Variants in CCDC148 observed in about 807,000 individuals in gnomAD.
CCDC148 encodes coiled-coil domain-containing protein 148.
Under a neutral mutation model 85.7 loss-of-function variants are expected in CCDC148, and 89 were observed. The ratio of observed to expected loss-of-function variants is 1.04; its 90% CI spans 0.87 to 1.24. CCDC148 has a LOEUF of 1.24. Among genes scored for constraint, CCDC148 ranks in the 50% most tolerant of loss-of-function variants. The probability of loss-of-function intolerance (pLI) is 0.00; values close to 1 mark genes in which losing one functional copy is unlikely to be tolerated. For missense variants in CCDC148, 692 were observed against 671.7 expected (o/e 1.03, Z -0.33); for synonymous variants, 230 against 213.9 (o/e 1.08, Z -0.66).
At chr2:158,453,154 C>T (rs1337465434) in intron 1 of CCDC148, among the ~76,000 whole-genome samples, 1 of 152,164 alleles carries the variant, frequency 6.6e-6, no homozygotes, top group Non-Finnish European at 1.5e-5. Flanking sequence ...CAGTTTAAGG[C>T]AGTGAGGGAC....
At chr2:158,328,603 T>C (rs1692919846) in intron 7 of CCDC148, among the ~76,000 whole-genome samples, 2 of 152,148 alleles carry the variant, frequency 1.3e-5, no homozygotes, top group Non-Finnish European at 2.9e-5. Context: ...ACTTCCACAA[T>C]GGTTGAACTA....
intron 7 of CCDC148, among the ~76,000 whole-genome samples, chr2:158,326,008 T>C (rs1008810857): frequency 6.6e-6 from 1 of 152,172 alleles, no homozygotes; most frequent in African/African-American, 2.4e-5. Flanking sequence ...TTTGTCACTC[T>C]GCTCACTTCT....
In CCDC148 at chr2:158,456,665, A is replaced by C. The variant is rs957250127; in HGVS notation, c.-226T>G. The C allele has an allele frequency of 6.9e-6, 4 of 579,806 alleles. No individual in the cohort carries two copies. Among genetic ancestry groups the C allele is most frequent in the African/African-American group, 1.9e-5 (1 of 53,132 alleles). The allele number at this position is 579,806 out of a possible 1,614,324, so 35.9% of individuals were successfully genotyped here. A position where few individuals can be genotyped will look rare whatever the true frequency, so the allele number is the denominator to read the frequency against. On this transcript the variant is annotated 5_prime_UTR_variant, in exon 1 of 14. Coordinates refer to ENST00000283233, the MANE Select transcript of CCDC148 (RefSeq NM_138803.4). ...GGGGAATCTCCCTGTCCTCTCCGCC[A>C]CCCCCTCCCGCGCCCGAGACCTGAG...
intron 10 of CCDC148, among the ~76,000 whole-genome samples, chr2:158,222,338 G>A (rs1687229219): frequency 6.6e-6 from 1 of 152,126 alleles, no homozygotes; most frequent in Non-Finnish European, 1.5e-5. Flanking sequence ...ACACTGTCCT[G>A]TGCAGGCCCC....
intron 7 of CCDC148, among the ~76,000 whole-genome samples, chr2:158,327,489 C>T (rs1692840356): frequency 6.6e-6 from 1 of 152,188 alleles, no homozygotes; most frequent in African/African-American, 2.4e-5. Flanking sequence ...GAATGCCTCA[C>T]TCCTTGCTTC....
chr2:158,219,870 C>G (rs1687082566), intron 11 of CCDC148, among the ~76,000 whole-genome samples: 1 of 151,996 alleles, frequency 6.6e-6, no homozygotes, highest in African/African-American at 2.4e-5. Flanking sequence ...CCAAGGGAAC[C>G]CTCCTTCAGC....
At chr2:158,398,096 A>G (rs1412472583) in intron 1 of CCDC148, among the ~76,000 whole-genome samples, 1 of 152,128 alleles carries the variant, frequency 6.6e-6, no homozygotes, top group Admixed American at 6.6e-5. Flanking sequence ...ATATATATAC[A>G]CCCAATACAG....
chr2:158,233,835 G>A (rs1687970327), intron 10 of CCDC148, among the ~76,000 whole-genome samples: 1 of 152,056 alleles, frequency 6.6e-6, no homozygotes, highest in African/African-American at 2.4e-5. Context: ...TGATGGTATA[G>A]AGATCTCCGT....
At chr2:158,334,802 TAA>T (rs1559078676) in intron 7 of CCDC148, among the ~76,000 whole-genome samples, 1 of 151,998 alleles carries the variant, frequency 6.6e-6, no homozygotes, top group African/African-American at 2.4e-5. Context: ...ATTTTGATTT[TAA>T]AAAATATATA....
chr2:158,211,446 A>G (rs1236428123), intron 11 of CCDC148, among the ~76,000 whole-genome samples: 1 of 152,240 alleles, frequency 6.6e-6, no homozygotes, highest in Non-Finnish European at 1.5e-5. Flanking sequence ...ATTAAAAAAC[A>G]TATTCTAAAG....
At chr2:158,275,563 A>G (rs968922627) in intron 9 of CCDC148, among the ~76,000 whole-genome samples, 1 of 152,154 alleles carries the variant, frequency 6.6e-6, no homozygotes, top group Non-Finnish European at 1.5e-5. Context: ...AAGAGGCCTA[A>G]CGGTTCTGTG....
At chr2:158,269,670 C>T (rs944895195) in intron 9 of CCDC148, among the ~76,000 whole-genome samples, 1 of 152,132 alleles carries the variant, frequency 6.6e-6, no homozygotes, top group Admixed American at 6.6e-5. Flanking sequence ...CACAGGATAC[C>T]TAATTGGAAT....
chr2:158,180,447 C>T (rs572995531), intron 11 of CCDC148, among the ~76,000 whole-genome samples: 9 of 152,050 alleles, frequency 5.9e-5, no homozygotes, highest in Non-Finnish European at 1.2e-4. Context: ...CCAATCACTG[C>T]ACTGTGGGAG....
At chr2:158,355,154 T>C (rs1274849191) in intron 2 of CCDC148, among the ~76,000 whole-genome samples, 1 of 151,618 alleles carries the variant, frequency 6.6e-6, no homozygotes, top group Non-Finnish European at 1.5e-5. Flanking sequence ...AAGCATTCCC[T>C]TTGAAAACTG....
chr2:158,412,035 T>C (rs1020354796), intron 1 of CCDC148, among the ~76,000 whole-genome samples: 2 of 152,060 alleles, frequency 1.3e-5, no homozygotes, highest in Non-Finnish European at 2.9e-5. Context: ...GTGTGGGCTG[T>C]GTGCAGCTCT....
chr2:158,218,460 C>T (rs964003479), intron 11 of CCDC148, among the ~76,000 whole-genome samples: 1 of 151,992 alleles, frequency 6.6e-6, no homozygotes, highest in Admixed American at 6.5e-5. Flanking sequence ...TCCTTTTCTT[C>T]TTTTCAAACT....
At chr2:158,356,962 T>A (rs1683679547) in intron 2 of CCDC148, among the ~76,000 whole-genome samples, 1 of 149,102 alleles carries the variant, frequency 6.7e-6, no homozygotes, top group African/African-American at 2.5e-5. Flanking sequence ...AACATCATTC[T>A]CAGTAAACTA....
chr2:158,181,719 C>T (rs558884030), intron 11 of CCDC148, among the ~76,000 whole-genome samples: 1 of 152,184 alleles, frequency 6.6e-6, no homozygotes, highest in African/African-American at 2.4e-5. Context: ...GCAGGTATGT[C>T]TTAAAAGACA....
chr2:158,251,043 C>T, intron 9 of CCDC148, 131 bp from the exon 10 acceptor site: 1 of 754,066 alleles, frequency 1.3e-6, no homozygotes. Context: ...ATTCTATGTG[C>T]ACATGACTGT....
Sources: allele counts gnomAD v4.1 joint callset (sites outside exome capture counted in the v4.1 genomes callset), GRCh38; gene constraint gnomAD v4.1.1; transcripts MANE v1.5; gene names NCBI Gene and HGNC (gene_info 2026-07-23, HGNC 2026-07-21).